ROBO2: variants seen among roughly 807,000 people sequenced by gnomAD.
ROBO2 encodes roundabout homolog 2.
In ROBO2, 53 loss-of-function variants were observed where a neutral mutation model predicts 160.8. The ratio of observed to expected loss-of-function variants is 0.33; its 90% CI spans 0.26 to 0.41. The LOEUF (loss-of-function observed/expected upper bound fraction) is 0.41, where lower values mean the gene tolerates loss of function less well. Ranked by LOEUF, ROBO2 falls within the 10% of genes least tolerant of loss-of-function variation. ROBO2 has a pLI of 1.00. For synonymous variants in ROBO2, 664 were observed against 611.7 expected (o/e 1.09, Z -1.26); for missense variants, 1,577 against 1,722.4 (o/e 0.92, Z 1.49).
chr3:76,992,564 A>G (rs2060745179), intron 2 of ROBO2, among the ~76,000 whole-genome samples: 1 of 151,652 alleles, frequency 6.6e-6, no homozygotes, highest in Non-Finnish European at 1.5e-5. Flanking sequence ...AAAAAAAATC[A>G]TGCACTTGGA....
At chr3:77,248,930 T>A (rs2090050917) in intron 2 of ROBO2, among the ~76,000 whole-genome samples, 1 of 152,100 alleles carries the variant, frequency 6.6e-6, no homozygotes, top group Non-Finnish European at 1.5e-5. Context: ...CAGGCTGGAG[T>A]GCAGTGGCTC....
At chr3:76,261,320 C>T (rs909195095) in intron 2 of ROBO2, among the ~76,000 whole-genome samples, 1 of 151,550 alleles carries the variant, frequency 6.6e-6, no homozygotes, top group Admixed American at 6.6e-5. Context: ...GAGTCTTTAC[C>T]TGGAGACTCT....
chr3:77,406,210 C>T (rs2076240848), intron 2 of ROBO2, among the ~76,000 whole-genome samples: 1 of 152,154 alleles, frequency 6.6e-6, no homozygotes, highest in Non-Finnish European at 1.5e-5. Context: ...CTCCTGAGAA[C>T]TCACTCACTC....
intron 2 of ROBO2, among the ~76,000 whole-genome samples, chr3:77,460,608 C>G (rs2082140493): frequency 6.6e-6 from 1 of 151,970 alleles, no homozygotes; most frequent in African/African-American, 2.4e-5. Flanking sequence ...GAAAAGTATT[C>G]CAGAAGACAA....
chr3:77,210,188 G>T (rs2151088943), intron 2 of ROBO2, among the ~76,000 whole-genome samples: 1 of 150,568 alleles, frequency 6.6e-6, no homozygotes, highest in South Asian at 2.1e-4. Context: ...GTGGAAAATT[G>T]AGACATTTGT....
chr3:76,219,329 T>A (rs889393618), intron 2 of ROBO2, among the ~76,000 whole-genome samples: 1 of 152,116 alleles, frequency 6.6e-6, no homozygotes, highest in Non-Finnish European at 1.5e-5. Flanking sequence ...ACAAATGGGA[T>A]CTAATTAAAC....
intron 6 of ROBO2, among the ~76,000 whole-genome samples, chr3:77,539,167 G>T (rs764079267): frequency 6.6e-6 from 1 of 152,066 alleles, no homozygotes; most frequent in Non-Finnish European, 1.5e-5. Flanking sequence ...CAATCCACCC[G>T]CCTCGGCCTC....
In ROBO2 at chr3:77,368,251, A is replaced by T. The variant is rs567636775; in HGVS notation, c.389-109163A>T. ...TTGAAATTATTTGGGGGTCAAATAC[A>T]TTCATTTTTTTGTTATTTTAATAAA... On this transcript the variant is annotated intron_variant, in intron 2 of 25. Transcript: ENST00000461745. Among the ~76,000 whole-genome samples, 275 of 48,382 alleles carry T rather than the reference A, an allele frequency of 5.7e-3. 1 individual carries two copies. The highest frequency in any genetic ancestry group is 0.016 in the Admixed American group (55 of 3,532). 31.7% of individuals were successfully genotyped at this position (48,382 alleles called of 152,430 possible).
At chr3:77,545,090 T>A (rs2153647840) in intron 6 of ROBO2, among the ~76,000 whole-genome samples, 1 of 152,194 alleles carries the variant, frequency 6.6e-6, no homozygotes, top group South Asian at 2.1e-4. Flanking sequence ...CCAGCCAGAC[T>A]TCTTGTTTTA....
chr3:77,420,225 T>C (rs2077589480), intron 2 of ROBO2, among the ~76,000 whole-genome samples: 1 of 151,656 alleles, frequency 6.6e-6, no homozygotes, highest in South Asian at 2.1e-4. Context: ...TTGTATTAAG[T>C]AAATATTTAA....
At chr3:77,005,445 T>C (rs1299328934) in intron 2 of ROBO2, among the ~76,000 whole-genome samples, 1 of 152,256 alleles carries the variant, frequency 6.6e-6, no homozygotes, top group Non-Finnish European at 1.5e-5. Context: ...AATGGGCATA[T>C]GCTGTAAAGA....
intron 2 of ROBO2, among the ~76,000 whole-genome samples, chr3:77,204,656 C>G (rs1427066895): frequency 1.3e-5 from 2 of 152,064 alleles, no homozygotes; most frequent in Non-Finnish European, 2.9e-5. Context: ...TTCATCCTTC[C>G]TTTTAGAGGT....
chr3:77,531,903 C>T (rs1407892067), intron 6 of ROBO2, among the ~76,000 whole-genome samples: 1 of 152,046 alleles, frequency 6.6e-6, no homozygotes, highest in Admixed American at 6.6e-5. Flanking sequence ...ATGTTTCCTG[C>T]ACCTGGCACT....
At position 76,021,647 on chromosome 3, in the gene ROBO2, A is replaced by G. The variant is rs1056244100; in HGVS notation, c.109+84045A>G. Reference sequence around the variant, plus strand: ...TAAAAAAGTTCATGTTTACATTACAATATAACCAGCTGAGTGTGCAATAGA... The same window carrying G: ...TAAAAAAGTTCATGTTTACATTACAGTATAACCAGCTGAGTGTGCAATAGA... On this transcript the variant is annotated intron_variant, in intron 2 of 26. Coordinates refer to the ROBO2 transcript ENST00000487694. 3.3e-5 allele frequency among the ~76,000 whole-genome samples: 5 copies of G among 152,022 alleles called. 1 individual carries two copies. In the South Asian group the frequency reaches 6.2e-4, roughly 19 times the overall value.
At chr3:76,491,761 C>G (rs1051744405) in intron 2 of ROBO2, among the ~76,000 whole-genome samples, 1 of 152,112 alleles carries the variant, frequency 6.6e-6, no homozygotes, top group Non-Finnish European at 1.5e-5. Flanking sequence ...TCTTTTCCCT[C>G]TCCTCAGTAC....
intron 2 of ROBO2, among the ~76,000 whole-genome samples, chr3:76,135,922 C>T (rs1433475519): frequency 2.0e-5 from 3 of 150,864 alleles, no homozygotes; most frequent in African/African-American, 7.3e-5. Context: ...TTGCATTACA[C>T]TTACAAATGT....
chr3:76,388,731 A>AT (rs960661627), intron 2 of ROBO2, among the ~76,000 whole-genome samples: 25 of 151,778 alleles, frequency 1.6e-4, no homozygotes, highest in African/African-American at 5.8e-4. Flanking sequence ...TGATAACTCT[A>AT]TTTTTTACCT....
chr3:77,515,083 T>G (rs1455079051), intron 5 of ROBO2, among the ~76,000 whole-genome samples: 2 of 151,900 alleles, frequency 1.3e-5, no homozygotes, highest in East Asian at 1.9e-4. Flanking sequence ...TTGAAGTTAC[T>G]TAGACATAAT....
chr3:76,392,667 A>G (rs2077212957), intron 2 of ROBO2, among the ~76,000 whole-genome samples: 1 of 152,182 alleles, frequency 6.6e-6, no homozygotes, highest in Non-Finnish European at 1.5e-5. Flanking sequence ...ATTTTTTCTC[A>G]TCATGAAACA....
Sources: allele counts gnomAD v4.1 joint callset (sites outside exome capture counted in the v4.1 genomes callset), GRCh38; gene constraint gnomAD v4.1.1; transcripts MANE v1.5; gene names NCBI Gene and HGNC (gene_info 2026-07-23, HGNC 2026-07-21).